PCLO: variants seen among roughly 807,000 people sequenced by gnomAD.
PCLO encodes piccolo presynaptic cytomatrix protein, also known as protein piccolo.
A neutral mutation model predicts 427.5 loss-of-function variants in PCLO; 82 were observed. The ratio of observed to expected loss-of-function variants is 0.19; its 90% CI spans 0.16 to 0.23. The LOEUF (loss-of-function observed/expected upper bound fraction) is 0.23, where lower values mean the gene tolerates loss of function less well. Ranked by LOEUF, PCLO falls within the 10% of genes least tolerant of loss-of-function variation. PCLO has a pLI of 1.00. For synonymous variants in PCLO, 2,357 were observed against 2,155.4 expected, an observed-to-expected ratio of 1.09 and a Z score of -2.59; for missense variants, 6,239 against 6,115.9, an observed-to-expected ratio of 1.02 and a Z score of -0.67.
intron 3 of PCLO, among the ~76,000 whole-genome samples, chr7:82,989,546 GAAAA>G (rs1442250652): frequency 1.3e-5 from 2 of 151,692 alleles, no homozygotes; most frequent in East Asian, 3.9e-4. Flanking sequence ...CTCAATAAAA[GAAAA>G]AATAATTTTT....
chr7:83,032,402 C>CTCCCTCCG (rs1788692045), intron 3 of PCLO, among the ~76,000 whole-genome samples: 1 of 150,222 alleles, frequency 6.7e-6, no homozygotes, highest in African/African-American at 2.5e-5. Context: ...CCCTCACTCC[C>CTCCCTCCG]TCCCTCCCTC....
chr7:82,904,186 T>C (rs1271060043), intron 8 of PCLO, among the ~76,000 whole-genome samples: 2 of 151,960 alleles, frequency 1.3e-5, no homozygotes, highest in Non-Finnish European at 2.9e-5. Context: ...TTGTAAACCA[T>C]TGAAAACCTT....
chr7:82,890,885 A>G (rs999525926), intron 9 of PCLO, among the ~76,000 whole-genome samples: 3 of 152,136 alleles, frequency 2.0e-5, no homozygotes, highest in East Asian at 3.9e-4. Flanking sequence ...AAAATAGAAA[A>G]CCTGTAAGTA....
intron 3 of PCLO, among the ~76,000 whole-genome samples, chr7:83,103,448 C>G (rs768367752): frequency 1.3e-5 from 2 of 151,880 alleles, no homozygotes; most frequent in Non-Finnish European, 1.5e-5. Flanking sequence ...CTTCCCACCT[C>G]TAGCAAGCAG....
intron 3 of PCLO, among the ~76,000 whole-genome samples, chr7:83,019,421 T>C (rs1416980226): frequency 6.6e-6 from 1 of 151,602 alleles, no homozygotes; most frequent in Admixed American, 6.6e-5. Context: ...ACCTGTGGTC[T>C]CCCAATCATA....
intron 22 of PCLO, among the ~76,000 whole-genome samples, chr7:82,765,587 C>T (rs189413528): frequency 6.6e-6 from 1 of 152,102 alleles, no homozygotes; most frequent in East Asian, 1.9e-4. Flanking sequence ...CTACTCTCCT[C>T]TCAAAGATTT....
At chr7:83,134,024 A>G (rs992503741) in intron 3 of PCLO, among the ~76,000 whole-genome samples, 12 of 151,640 alleles carry the variant, frequency 7.9e-5, no homozygotes, top group Middle Eastern at 3.4e-3. Context: ...AACTTATTTC[A>G]TCTTCTTACT....
Position 83,134,778 on chromosome 7 carries a change from T to G in PCLO, c.2772A>C (p.Gln924His). Residue 924 changes from glutamine to histidine, a missense_variant, in exon 3 of 25, where the codon CAA becomes CAC. Physicochemically the swap from Gln to His is conservative, Grantham distance 24. Transcript: ENST00000333891. ...DAPKSQPTTP[Q>H]ETVTGKLFGF... ...CAAAGAGTTTCCCAGTCACGGTCTC[T>G]TGAGGAGTTGTAGGCTGTGATTTGG... is the stretch of plus-strand genomic sequence containing the variant. 6.2e-7 allele frequency: 1 copy of G among 1,613,956 alleles called. No individual in the cohort carries two copies.
intron 10 of PCLO, among the ~76,000 whole-genome samples, chr7:82,876,875 A>G (rs60073765): frequency 0.017 from 2,546 of 152,236 alleles, 87 homozygotes; most frequent in African/African-American, 0.058. Context: ...GACTTCAATC[A>G]GAGGATTTAT....
At chr7:82,821,085 T>G (rs1290187085) in intron 20 of PCLO, 7 of 1,095,222 alleles carry the variant, frequency 6.4e-6, no homozygotes, top group Admixed American at 1.0e-4. Flanking sequence ...TCTTGCTGTG[T>G]GCTTTGAACA....
chr7:83,090,325 T>C (rs976990215), intron 3 of PCLO, among the ~76,000 whole-genome samples: 2 of 152,158 alleles, frequency 1.3e-5, no homozygotes, highest in African/African-American at 4.8e-5. Flanking sequence ...ACAGCACATA[T>C]AGCCAGAAAT....
chr7:82,956,465 C>G lies in PCLO; in HGVS notation c.4488G>C (p.Lys1496Asn). 6.2e-7 allele frequency: 1 copy of G among 1,613,838 alleles called. No individual in the cohort carries two copies. The change falls in exon 5 of 25, where the codon AAG becomes AAC. Residue 1496 changes from lysine to asparagine, a missense_variant. Physicochemically the swap from Lys to Asn is moderately conservative, Grantham distance 94. This residue lies in a region of PCLO where 4,677 missense variants were observed against 4,468.4 expected (regional missense o/e 1.05). Coordinates refer to ENST00000333891, the MANE Select transcript of PCLO (RefSeq NM_033026.6). ...DIPSSKDHKE[K>N]SEFVDDITTR... ...TAGTTATGTCATCAACAAACTCAGA[C>G]TTCTCTTTATGGTCCTTGCTGGAAG...
chr7:82,916,465 T>C lies in PCLO; in HGVS notation c.11521A>G (p.Ser3841Gly), dbSNP rs1794467102. The C allele has an allele frequency of 1.2e-6, 2 of 1,613,776 alleles. No homozygotes were observed. The highest frequency in any genetic ancestry group is 8.5e-7 in the Non-Finnish European group (1 of 1,179,778). ...RDYMSDSEVS[S>G]TRPTRIESQH... ...CTTTCTATTCGGGTTGGTCTTGTGC[T>C]ACTCACTTCACTGTCAGACATGTAA... The change falls in exon 7 of 25, where the codon AGC (serine) becomes GGC (glycine). Residue 3841 changes from serine (S) to glycine (G), a missense_variant. This residue lies in a region of PCLO where 680 missense variants were observed against 677.3 expected (regional missense o/e 1.00). Coordinates refer to ENST00000333891, the MANE Select transcript of PCLO (RefSeq NM_033026.6).
At chr7:82,768,642 G>C (rs1171581242) in intron 22 of PCLO, among the ~76,000 whole-genome samples, 1 of 151,742 alleles carries the variant, frequency 6.6e-6, no homozygotes, top group East Asian at 1.9e-4. Context: ...ATTGATTCTT[G>C]CTTTCTCTTT....
At chr7:82,877,858 G>A (rs1416805942) in intron 10 of PCLO, among the ~76,000 whole-genome samples, 1 of 152,048 alleles carries the variant, frequency 6.6e-6, no homozygotes, top group Non-Finnish European at 1.5e-5. Flanking sequence ...TTTTAGTAGA[G>A]ACAGGGTTTC....
At chr7:83,009,646 G>C (rs149280754) in intron 3 of PCLO, among the ~76,000 whole-genome samples, 1 of 151,732 alleles carries the variant, frequency 6.6e-6, no homozygotes, top group Middle Eastern at 3.4e-3. Context: ...ATGACTTCTT[G>C]ATATAAGCTA....
chr7:83,099,437 G>A (rs1329891278), intron 3 of PCLO, among the ~76,000 whole-genome samples: 1 of 148,958 alleles, frequency 6.7e-6, no homozygotes, highest in Non-Finnish European at 1.5e-5. Flanking sequence ...TGCCCAGGCT[G>A]GAGTGCAGTG....
intron 3 of PCLO, among the ~76,000 whole-genome samples, chr7:83,089,405 A>G (rs1438201931): frequency 6.6e-6 from 1 of 152,110 alleles, no homozygotes; most frequent in Non-Finnish European, 1.5e-5. Flanking sequence ...TCATGCCTAT[A>G]GAACTCTGTC....
chr7:82,801,405 CT>C (rs1791349500), intron 22 of PCLO, 112 bp downstream of exon 22: 2 of 613,354 alleles, frequency 3.3e-6, no homozygotes, highest in Non-Finnish European at 5.9e-6. Flanking sequence ...CTACCTATTG[CT>C]TTTGCCATTA....
Sources: allele counts gnomAD v4.1 joint callset (sites outside exome capture counted in the v4.1 genomes callset), GRCh38; gene constraint gnomAD v4.1.1; regional missense constraint gnomAD v4.1.1; transcripts MANE v1.5; gene names NCBI Gene and HGNC (gene_info 2026-07-23, HGNC 2026-07-21).